The following DENND5A variants were observed in gnomAD, a reference collection of about 807,000 sequenced individuals.
DENND5A encodes DENN domain containing 5A.
In DENND5A, 64 loss-of-function variants were observed where a neutral mutation model predicts 140.3. That is an observed-to-expected ratio of 0.46 (90% confidence interval 0.37 to 0.56). DENND5A has a LOEUF of 0.56. Among genes scored for constraint, DENND5A ranks in the 20% least tolerant of loss-of-function variants. The probability of loss-of-function intolerance (pLI) is 0.00; values close to 1 mark genes in which losing one functional copy is unlikely to be tolerated. For synonymous variants in DENND5A, 605 were observed against 607.7 expected, an observed-to-expected ratio of 1.00 and a Z score of 0.07; for missense variants, 1,292 against 1,593.8, an observed-to-expected ratio of 0.81 and a Z score of 3.22.
At chr11:9,150,353 T>C in intron 14 of DENND5A, 144 bp from the exon 15 acceptor site, 3 of 1,045,572 alleles carry the variant, frequency 2.9e-6, no homozygotes, top group Non-Finnish European at 4.2e-6. Context: ...CTCCAAATAC[T>C]GGGCTTCCAT....
At chr11:9,144,031 G>A (rs1847334937) in intron 19 of DENND5A, 66 bp downstream of exon 19, 1 of 1,533,786 alleles carries the variant, frequency 6.5e-7, no homozygotes, top group African/African-American at 1.4e-5. Flanking sequence ...CATTATCAGG[G>A]CTCACAGAGA....
chr11:9,140,216 A>T, intron 22 of DENND5A: 2 of 1,324,338 alleles, frequency 1.5e-6, no homozygotes, highest in Non-Finnish European at 2.0e-6. Flanking sequence ...ATGTGCTGGC[A>T]CTGACATAAG....
intron 5 of DENND5A, among the ~76,000 whole-genome samples, chr11:9,190,915 A>AG: frequency 6.6e-6 from 1 of 152,326 alleles, no homozygotes; most frequent in African/African-American, 2.4e-5. Context: ...GGAAATACAT[A>AG]GGCTCAGATA....
Position 9,179,040 on chromosome 11 carries a change from C to G in DENND5A, c.1489G>C (p.Asp497His), listed in dbSNP as rs182954474. 3.7e-6 allele frequency: 6 copies of G among 1,614,082 alleles called. No homozygotes were observed. In the African/African-American group the frequency reaches 6.7e-5, roughly 18 times the overall value. ...TCTTCATCACACTGAACTTTGAGAT[C>G]CTTATTGCTGCTGGGGTCTTCACGC... ...EVREDPSSNKDLKVQCDEEEL... is the reference protein window; with the variant it reads ...EVREDPSSNKHLKVQCDEEEL... Residue 497 changes from aspartate to histidine, a missense_variant, in exon 7 of 23, where the codon GAT becomes CAT. Coordinates refer to ENST00000328194, the MANE Select transcript of DENND5A (RefSeq NM_015213.4).
intron 1 of DENND5A, among the ~76,000 whole-genome samples, chr11:9,237,584 T>A (rs747852581): frequency 1.3e-5 from 2 of 151,888 alleles, no homozygotes; most frequent in Non-Finnish European, 2.9e-5. Context: ...TATTAAAATT[T>A]AAAATGCACA....
chr11:9,173,644 T>C lies in DENND5A; in HGVS notation c.1907-2867A>G, dbSNP rs1848447462. ...AGCTGGGAGTATGGGTGCACATGAC[T>C]GTGCCTGGCAGTTCTGTACAGTTCT... is the stretch of plus-strand genomic sequence containing the variant. On this transcript the variant is annotated intron_variant, in intron 8 of 22. Coordinates refer to ENST00000328194, the MANE Select transcript of DENND5A (RefSeq NM_015213.4). 1.3e-5 allele frequency among the ~76,000 whole-genome samples: 2 copies of C among 152,192 alleles called. 1 individual carries two copies. The highest frequency in any genetic ancestry group is 4.1e-4 in the South Asian group (2 of 4,830).
chr11:9,224,896 T>C (rs1347493604), intron 1 of DENND5A, among the ~76,000 whole-genome samples: 6 of 151,952 alleles, frequency 3.9e-5, no homozygotes, highest in African/African-American at 1.5e-4. Flanking sequence ...TCCCAACGTT[T>C]TCATTTTCCC....
chr11:9,162,906 G>C (rs1016297094), intron 11 of DENND5A, among the ~76,000 whole-genome samples: 13 of 145,378 alleles, frequency 8.9e-5, no homozygotes, highest in Non-Finnish European at 1.7e-4. Context: ...GTCTCAGCAT[G>C]TTGCCCTGGC....
chr11:9,204,419 G>A, intron 3 of DENND5A, 102 bp from the exon 4 acceptor site: 1 of 1,139,070 alleles, frequency 8.8e-7, no homozygotes, highest in Non-Finnish European at 1.2e-6. Context: ...CTACTAAGCT[G>A]AGCGTGTATC....
chr11:9,246,571 C>G (rs1192793050), intron 1 of DENND5A, among the ~76,000 whole-genome samples: 1 of 144,166 alleles, frequency 6.9e-6, no homozygotes, highest in East Asian at 2.0e-4. Context: ...GAGATTGCAC[C>G]ACTGTACTCC....
At chr11:9,206,302 A>C (rs1158299776) in intron 3 of DENND5A, among the ~76,000 whole-genome samples, 1 of 152,210 alleles carries the variant, frequency 6.6e-6, no homozygotes, top group African/African-American at 2.4e-5. Context: ...CACTTCTGTC[A>C]TATTACTTAG....
At chr11:9,147,329 G>A (rs146434534) in intron 15 of DENND5A, among the ~76,000 whole-genome samples, 178 bp from the exon 16 acceptor site, 14 of 152,158 alleles carry the variant, frequency 9.2e-5, no homozygotes, top group Non-Finnish European at 1.3e-4. Flanking sequence ...GAGGGACAAC[G>A]GTTTAAGCTA....
intron 1 of DENND5A, chr11:9,242,744 C>T (rs1851287959): frequency 6.6e-6 from 1 of 151,988 alleles, no homozygotes. Context: ...TTTTTGGCCC[C>T]CTATGACCCA....
intron 1 of DENND5A, among the ~76,000 whole-genome samples, chr11:9,241,994 A>C (rs1367021520): frequency 6.7e-6 from 1 of 149,656 alleles, no homozygotes; most frequent in Non-Finnish European, 1.5e-5. Flanking sequence ...AGCCTGGGCA[A>C]CATGAGCGAA....
Position 9,170,738 on chromosome 11 carries a change from G to C in DENND5A, c.1946C>G (p.Thr649Ser). The C allele has an allele frequency of 6.2e-7, 1 of 1,613,844 alleles. No homozygotes were observed. The highest frequency in any genetic ancestry group is 1.1e-5 in the South Asian group (1 of 91,078). The change falls in exon 9 of 23, where the codon ACT becomes AGT. Residue 649 changes from threonine to serine, a missense_variant. Physicochemically the swap from Thr to Ser is moderately conservative, Grantham distance 58. Transcript: ENST00000328194. ...IELRLAKIDH[T>S]AIHPHLLDMK... ...GTCAAGTAAATGTGGGTGAATTGCA[G>C]TATGGTCAATTTTTGCCAGACGCAG...
Position 9,265,037 on chromosome 11 carries a change from C to T in DENND5A, c.33G>A (p.Ala11=), listed in dbSNP as rs758287159. The change falls in exon 1 of 23, where the codon GCG becomes GCA. Residue 11 remains alanine (A), a synonymous_variant. Transcript: ENST00000328194. This position sits in a 1 kb window ranked among gnomAD's most constrained non-coding sequence, Gnocchi z 4.7. MSGGGGGGGS[A]PSRFADYFVI... is the part of the protein sequence containing the mutation. ...CAAAGTAGTCGGCGAAGCGACTGGGCGCCGAGCCCCCTCCGCCGCCGCCGC... is the reference window on the plus strand; with the variant it reads ...CAAAGTAGTCGGCGAAGCGACTGGGTGCCGAGCCCCCTCCGCCGCCGCCGC... The T allele has an allele frequency of 1.3e-6, 2 of 1,561,686 alleles. No homozygotes were observed. The highest frequency in any genetic ancestry group is 2.5e-5 in the East Asian group (1 of 39,376).
chr11:9,170,174 T>C (rs1317671941), intron 9 of DENND5A: 3 of 691,094 alleles, frequency 4.3e-6, no homozygotes, highest in Non-Finnish European at 5.3e-6. Flanking sequence ...TTGAAACATC[T>C]ACAAACACTT....
At chr11:9,144,305 A>G in intron 18 of DENND5A, 27 bp from the exon 19 acceptor site, 2 of 1,611,560 alleles carry the variant, frequency 1.2e-6, no homozygotes, top group East Asian at 2.2e-5. Flanking sequence ...GGACTGTCAG[A>G]GCAGCCAGCT....
At chr11:9,228,271 AATAGCTTAAGCTAATAGCTTAAGG>A (rs1850617889) in intron 1 of DENND5A, among the ~76,000 whole-genome samples, 1 of 152,064 alleles carries the variant, frequency 6.6e-6, no homozygotes, top group African/African-American at 2.4e-5. Flanking sequence ...ATACCTACTA[AATAGCTTAAGCTAATAGCTTAAGG>A]ATGGTGGCTG....
Sources: gnomAD v4.1 joint callset for allele counts (sites outside exome capture counted in the v4.1 genomes callset) on GRCh38, gnomAD v4.1.1 for gene constraint, Gnocchi (gnomAD v3.1) non-coding constraint, MANE v1.5 for transcripts, NCBI Gene and HGNC (gene_info 2026-07-23, HGNC 2026-07-21) for gene names.